Variants in SOBP observed in about 807,000 individuals in gnomAD.
The protein encoded by SOBP is sine oculis-binding protein homolog.
A neutral mutation model predicts 53.6 loss-of-function variants in SOBP; 4 were observed. The observed-to-expected ratio is 0.07, with a 90% CI of 0.04 to 0.17. The LOEUF (loss-of-function observed/expected upper bound fraction) is 0.17. Ranked by LOEUF, SOBP falls within the 10% of genes least tolerant of loss-of-function variation. SOBP has a pLI of 1.00. For synonymous variants in SOBP, 584 were observed against 522.6 expected, an observed-to-expected ratio of 1.12 and a Z score of -1.60; for missense variants, 1,088 against 1,204.7, an observed-to-expected ratio of 0.90 and a Z score of 1.43.
chr6:107,596,210 A>G (rs1173896803), intron 5 of SOBP, among the ~76,000 whole-genome samples: 1 of 152,072 alleles, frequency 6.6e-6, no homozygotes, highest in Non-Finnish European at 1.5e-5. Context: ...TAACATTTTA[A>G]TATCTCAGAA....
At chr6:107,557,316 G>A (rs940568024) in intron 4 of SOBP, among the ~76,000 whole-genome samples, 5 of 152,212 alleles carry the variant, frequency 3.3e-5, no homozygotes, top group African/African-American at 7.2e-5. Context: ...GATTTGAAAA[G>A]CAAAGATACA....
At chr6:107,570,348 A>G (rs1785039299) in intron 4 of SOBP, among the ~76,000 whole-genome samples, 1 of 152,214 alleles carries the variant, frequency 6.6e-6, no homozygotes, top group African/African-American at 2.4e-5. Context: ...AATCTATCTT[A>G]ATCTCCTTGT....
At chr6:107,593,966 G>A (rs1002539309) in intron 5 of SOBP, among the ~76,000 whole-genome samples, 3 of 152,218 alleles carry the variant, frequency 2.0e-5, no homozygotes, top group African/African-American at 4.8e-5. Flanking sequence ...TGGCGGCATC[G>A]CAAATGTTGC....
chr6:107,659,949 AAAC>A lies in SOBP; in HGVS notation c.*1749_*1751del, dbSNP rs1772228024. Reference sequence around the variant, plus strand: ...AGCCCGGGGAGAGATTTATAAAAGTAAACAAAAGAAAACCTTCCAGCAACAAAT... The same window carrying A: ...AGCCCGGGGAGAGATTTATAAAAGTAAAAAGAAAACCTTCCAGCAACAAAT... On this transcript the variant is annotated 3_prime_UTR_variant, in exon 7 of 7. Coordinates refer to ENST00000317357, the MANE Select transcript of SOBP (RefSeq NM_018013.4). 6.6e-6 allele frequency: 1 copy of A among 152,268 alleles called. No homozygotes were observed. Among genetic ancestry groups the A allele is most frequent in the Non-Finnish European group, 1.5e-5 (1 of 68,038 alleles). The allele number at this position is 152,268 out of a possible 1,614,324, so 9.4% of individuals were successfully genotyped here.
chr6:107,584,119 A>G (rs1189341428), intron 4 of SOBP, among the ~76,000 whole-genome samples: 2 of 151,924 alleles, frequency 1.3e-5, no homozygotes. Context: ...AGCTGTAGGC[A>G]CTCTCCTTAG....
chr6:107,588,175 C>G (rs1785625397), intron 5 of SOBP, among the ~76,000 whole-genome samples: 1 of 152,170 alleles, frequency 6.6e-6, no homozygotes, highest in Non-Finnish European at 1.5e-5. Flanking sequence ...ATTAGGAAAT[C>G]CCACATGTAA....
At chr6:107,526,203 T>A (rs774111054) in intron 3 of SOBP, among the ~76,000 whole-genome samples, 2 of 152,166 alleles carry the variant, frequency 1.3e-5, no homozygotes, top group Non-Finnish European at 2.9e-5. Flanking sequence ...TCCACCCACT[T>A]TGGCCTCCCA....
In SOBP at chr6:107,633,998, T is replaced by C. The variant is rs940858209; in HGVS notation, c.1154T>C (p.Met385Thr). 2 of 1,613,662 alleles carry C rather than the reference T, an allele frequency of 1.2e-6. No homozygotes were observed. Among genetic ancestry groups the C allele is most frequent in the Admixed American group, 3.3e-5 (2 of 60,008 alleles). The change falls in exon 6 of 7, where the codon ATG becomes ACG. Residue 385 changes from methionine to threonine, a missense_variant. Transcript: ENST00000317357. ...PLGVPPRSPP[M>T]VMTNRGPVPL... ...GGCGTCCCGCCTCGGAGCCCTCCCA[T>C]GGTGATGACCAACCGCGGCCCGGTG... is the stretch of plus-strand genomic sequence containing the variant.
At chr6:107,645,989 T>G (rs1771540239) in intron 6 of SOBP, among the ~76,000 whole-genome samples, 1 of 152,130 alleles carries the variant, frequency 6.6e-6, no homozygotes, top group South Asian at 2.1e-4. Flanking sequence ...AACAGGAGTT[T>G]GGGGAATTTG....
intron 1 of SOBP, among the ~76,000 whole-genome samples, chr6:107,499,091 T>C (rs1318607401): frequency 2.6e-5 from 4 of 152,218 alleles, no homozygotes; most frequent in Admixed American, 6.5e-5. Flanking sequence ...TTATATATGA[T>C]ATTGACATTC....
At chr6:107,557,807 G>A (rs1452750421) in intron 4 of SOBP, 3 of 152,158 alleles carry the variant, frequency 2.0e-5, no homozygotes, top group African/African-American at 7.2e-5. Flanking sequence ...GTAGGTTACT[G>A]GTTATGCATG....
At chr6:107,568,045 T>A (rs1164346085) in intron 4 of SOBP, among the ~76,000 whole-genome samples, 1 of 152,236 alleles carries the variant, frequency 6.6e-6, no homozygotes, top group African/African-American at 2.4e-5. Context: ...ATGTAATATG[T>A]CTTTCCCTTA....
chr6:107,518,459 A>G (rs1239670463), intron 3 of SOBP, among the ~76,000 whole-genome samples: 2 of 152,222 alleles, frequency 1.3e-5, no homozygotes, highest in African/African-American at 2.4e-5. Context: ...GAACATACAC[A>G]TATGCAATAA....
intron 5 of SOBP, among the ~76,000 whole-genome samples, chr6:107,606,203 A>T (rs1214457652): frequency 6.7e-6 from 1 of 150,214 alleles, no homozygotes; most frequent in African/African-American, 2.4e-5. Flanking sequence ...CAGCCTTCCA[A>T]GTAGCTGGGA....
chr6:107,608,967 C>T (rs769438614), intron 5 of SOBP, among the ~76,000 whole-genome samples: 66 of 152,166 alleles, frequency 4.3e-4, no homozygotes, highest in Admixed American at 5.2e-4. Context: ...ACCACTCCCC[C>T]GCCCCAAACC....
chr6:107,588,357 T>C lies in SOBP; in HGVS notation c.669+1182T>C, dbSNP rs74834481. 3.3e-3 allele frequency among the ~76,000 whole-genome samples: 498 copies of C among 152,344 alleles called. 2 individuals carry two copies. The highest frequency in any genetic ancestry group is 0.011 in the African/African-American group (475 of 41,584). ...TGCACAGTTACAATTACACTACTTA[T>C]TCTGTGTGTGTAGTCCCTTGACCAA... On this transcript the variant is annotated intron_variant, in intron 5 of 6. Transcript: ENST00000317357.
rs558974727 is a variant in SOBP at position 107,617,907 on chromosome 6, A to G, written c.670-15607A>G. ...CAGTGGCACGATCTCAGCTCACTGC[A>G]ACATCTACCTCCTGGGTTCAAGCAG... On this transcript the variant is annotated intron_variant, in intron 5 of 6. Coordinates refer to ENST00000317357, the MANE Select transcript of SOBP (RefSeq NM_018013.4). 5.5e-5 allele frequency among the ~76,000 whole-genome samples: 8 copies of G among 145,582 alleles called. No homozygotes were observed. The East Asian group carries it at 1.6e-3, about 29-fold the overall frequency.
intron 5 of SOBP, among the ~76,000 whole-genome samples, chr6:107,602,774 C>T (rs1786233334): frequency 2.6e-5 from 4 of 152,146 alleles, no homozygotes; most frequent in Admixed American, 2.0e-4. Context: ...TAGTCAGAGA[C>T]ATTCTAAATG....
intron 4 of SOBP, among the ~76,000 whole-genome samples, chr6:107,546,896 C>T (rs1254632306): frequency 6.6e-6 from 1 of 152,126 alleles, no homozygotes. Flanking sequence ...GGAACATAAA[C>T]AACTGAAGAC....
Sources: allele counts gnomAD v4.1 joint callset (sites outside exome capture counted in the v4.1 genomes callset), GRCh38; gene constraint gnomAD v4.1.1; transcripts MANE v1.5; gene names NCBI Gene and HGNC (gene_info 2026-07-23, HGNC 2026-07-21).